The following RFX3 variants were observed in gnomAD, a reference collection of about 807,000 sequenced individuals.
RFX3 encodes regulatory factor X3, also known as transcription factor RFX3.
A neutral mutation model predicts 98.6 loss-of-function variants in RFX3; 14 were observed. That is an observed-to-expected ratio of 0.14 (90% CI 0.09 to 0.22). RFX3 has a LOEUF of 0.22. RFX3 is among the 10% of genes least tolerant of loss of function. The pLI, the probability that RFX3 is intolerant of heterozygous loss-of-function variation, is 1.00. For synonymous variants in RFX3, 383 were observed against 328.4 expected, an observed-to-expected ratio of 1.17 and a Z score of -1.80; for missense variants, 639 against 926.9, an observed-to-expected ratio of 0.69 and a Z score of 4.03.
intron 2 of RFX3, among the ~76,000 whole-genome samples, chr9:3,347,896 A>G (rs972019198): frequency 2.0e-5 from 3 of 152,166 alleles, no homozygotes; most frequent in African/African-American, 7.2e-5. Flanking sequence ...TTTCTAAGAG[A>G]TAGGAATTGT....
chr9:3,415,782 T>C (rs1413612793), intron 1 of RFX3, among the ~76,000 whole-genome samples: 1 of 152,202 alleles, frequency 6.6e-6, no homozygotes, highest in East Asian at 1.9e-4. Flanking sequence ...ACTGCCTCTT[T>C]GCAACACAAT....
At chr9:3,374,755 C>G (rs1480807237) in intron 2 of RFX3, among the ~76,000 whole-genome samples, 2 of 151,866 alleles carry the variant, frequency 1.3e-5, no homozygotes, top group Admixed American at 1.3e-4. Flanking sequence ...TGAAAAGAAT[C>G]CTGGAGACTG....
intron 15 of RFX3, among the ~76,000 whole-genome samples, chr9:3,242,132 T>C (rs1031422874): frequency 6.6e-6 from 1 of 152,186 alleles, no homozygotes; most frequent in Non-Finnish European, 1.5e-5. Flanking sequence ...CTTTCTAAAG[T>C]TAGTTCTACC....
chr9:3,325,530 G>A (rs568272471), intron 4 of RFX3, among the ~76,000 whole-genome samples: 10 of 152,070 alleles, frequency 6.6e-5, no homozygotes, highest in South Asian at 6.2e-4. Flanking sequence ...ATACATAAAG[G>A]TGTAAAAATT....
intron 1 of RFX3, among the ~76,000 whole-genome samples, chr9:3,513,982 C>T (rs1024600256): frequency 6.6e-6 from 1 of 152,082 alleles, no homozygotes; most frequent in Non-Finnish European, 1.5e-5. Context: ...AATGTTGATC[C>T]AACAGCACAA....
chr9:3,372,174 A>T (rs1423693810), intron 2 of RFX3, among the ~76,000 whole-genome samples: 1 of 152,186 alleles, frequency 6.6e-6, no homozygotes, highest in African/African-American at 2.4e-5. Context: ...ATTAGCTAGC[A>T]ATACCAGGAA....
chr9:3,481,053 A>T (rs1001694100), intron 1 of RFX3, among the ~76,000 whole-genome samples: 2 of 152,212 alleles, frequency 1.3e-5, no homozygotes, highest in African/African-American at 4.8e-5. Flanking sequence ...GAAGAATAAT[A>T]ACACTAACTA....
At chr9:3,476,210 A>G (rs1312684015) in intron 1 of RFX3, among the ~76,000 whole-genome samples, 1 of 151,068 alleles carries the variant, frequency 6.6e-6, no homozygotes, top group Non-Finnish European at 1.5e-5. Flanking sequence ...TATGATATTC[A>G]TATATAATCA....
At chr9:3,381,239 A>C (rs9408238) in intron 2 of RFX3, among the ~76,000 whole-genome samples, 2,359 of 152,116 alleles carry the variant, frequency 0.016, 60 homozygotes, top group African/African-American at 0.053. Flanking sequence ...AAAATTCCCA[A>C]AATTATTGGT....
At chr9:3,309,643 T>A (rs936428845) in intron 4 of RFX3, among the ~76,000 whole-genome samples, 1 of 152,214 alleles carries the variant, frequency 6.6e-6, no homozygotes, top group African/African-American at 2.4e-5. Flanking sequence ...TCTCTTCCCA[T>A]GTTCAAAGAA....
At chr9:3,475,076 G>A (rs1210948224) in intron 1 of RFX3, among the ~76,000 whole-genome samples, 2 of 149,420 alleles carry the variant, frequency 1.3e-5, no homozygotes, top group East Asian at 3.9e-4. Context: ...TAACAGCCTG[G>A]GCAACAGAGC....
intron 5 of RFX3, among the ~76,000 whole-genome samples, chr9:3,297,874 T>C (rs145462374): frequency 7.1e-4 from 108 of 151,948 alleles, no homozygotes; most frequent in African/African-American, 2.5e-3. Flanking sequence ...TTGGGAACAA[T>C]TAACAACATT....
chr9:3,320,768 CATATATATATATATATATATATATAT>C (rs34990458), intron 4 of RFX3, among the ~76,000 whole-genome samples: 6 of 85,896 alleles, frequency 7.0e-5, no homozygotes, highest in Admixed American at 1.4e-4. Context: ...TGCTACATAG[CATATATATATATATATATATATATAT>C]ATATATATAT....
intron 9 of RFX3, among the ~76,000 whole-genome samples, chr9:3,271,908 A>T (rs1586826932): frequency 6.6e-6 from 1 of 151,706 alleles, no homozygotes; most frequent in Non-Finnish European, 1.5e-5. Context: ...AGAGAATCCA[A>T]TCCTACCTCT....
intron 1 of RFX3, among the ~76,000 whole-genome samples, chr9:3,418,863 C>A (rs1470513200): frequency 6.6e-6 from 1 of 152,114 alleles, no homozygotes; most frequent in African/African-American, 2.4e-5. Flanking sequence ...CTTTTCAAAG[C>A]AAGAGACATG....
chr9:3,221,672 GCC>G lies in RFX3; in HGVS notation c.*3368_*3369del, dbSNP rs901286841. 1 of 152,062 alleles carries G rather than the reference GCC, an allele frequency of 6.6e-6. No individual in the cohort carries two copies. The highest frequency in any genetic ancestry group is 2.4e-5 in the African/African-American group (1 of 41,438). 9.4% of individuals were successfully genotyped at this position (152,062 alleles called of 1,614,324 possible). On this transcript the variant is annotated 3_prime_UTR_variant, in exon 17 of 17. Coordinates refer to ENST00000617270, the MANE Select transcript of RFX3 (RefSeq NM_001282116.2). ...AGCCAAAGAAAAAATTGAAAATTGG[GCC>G]CTGTCTTCCAAGGAGATGGTTCATC...
At chr9:3,227,699 G>A (rs1817943204) in intron 16 of RFX3, among the ~76,000 whole-genome samples, 1 of 152,080 alleles carries the variant, frequency 6.6e-6, no homozygotes, top group South Asian at 2.1e-4. Flanking sequence ...TGCTTTATGT[G>A]GGACACGGAT....
At chr9:3,284,105 A>C (rs1826268338) in intron 7 of RFX3, among the ~76,000 whole-genome samples, 1 of 151,850 alleles carries the variant, frequency 6.6e-6, no homozygotes, top group South Asian at 2.1e-4. Context: ...ACAACTGATA[A>C]GTATTTGTTG....
At position 3,395,457 on chromosome 9, in the gene RFX3, G is replaced by C; in HGVS notation, c.117+15C>G. ...GAAAGTAACAGCATCTTTTCTAAGA[G>C]CAGCAGCTCCTTACCTGTTGTTGTA... On this transcript the variant is annotated intron_variant, in intron 2 of 16. Transcript: ENST00000617270. The C allele has an allele frequency of 6.2e-7, 1 of 1,610,438 alleles. No homozygotes were observed. The highest frequency in any genetic ancestry group is 8.5e-7 in the Non-Finnish European group (1 of 1,177,162).
Sources: gnomAD v4.1 joint callset for allele counts (sites outside exome capture counted in the v4.1 genomes callset) on GRCh38, gnomAD v4.1.1 for gene constraint, MANE v1.5 for transcripts, NCBI Gene and HGNC (gene_info 2026-07-23, HGNC 2026-07-21) for gene names.